MDGA2: variants seen among roughly 807,000 people sequenced by gnomAD.
MDGA2 encodes the protein MAM domain-containing glycosylphosphatidylinositol anchor protein 2.
Under a neutral mutation model 117.8 loss-of-function variants are expected in MDGA2, and 40 were observed. That is an observed-to-expected ratio of 0.34 (90% CI 0.26 to 0.44). The LOEUF is 0.44. MDGA2 is among the 20% of genes least tolerant of loss of function. The pLI, the probability that MDGA2 is intolerant of heterozygous loss-of-function variation, is 1.00. For synonymous variants in MDGA2, 452 were observed against 439.0 expected (o/e 1.03, Z -0.37); for missense variants, 1,123 against 1,250.6 (o/e 0.90, Z 1.54).
Position 47,131,844 on chromosome 14 carries a change from A to C in MDGA2, c.795T>G (p.Gly265=), listed in dbSNP as rs1325632201. 1 of 1,566,870 alleles carries C rather than the reference A, an allele frequency of 6.4e-7. No individual in the cohort carries two copies. The highest frequency in any genetic ancestry group is 2.3e-5 in the East Asian group (1 of 44,142). The part of the protein sequence containing the change: ...VEIYEPFFTQ[G]ETKILKLKNL... ...TCTTTAGTTTTAAGATCTTTGTTTCACCCTGAAAATGTACACAAAAAATAA... is the reference window on the plus strand; with the variant it reads ...TCTTTAGTTTTAAGATCTTTGTTTCCCCCTGAAAATGTACACAAAAAATAA... The change falls in exon 5 of 17, where the codon GGT becomes GGG. Residue 265 remains glycine (G), a splice_region_variant and synonymous_variant. Coordinates refer to ENST00000399232, the MANE Select transcript of MDGA2 (RefSeq NM_001113498.3).
chr14:47,206,625 C>A (rs1043030812), intron 3 of MDGA2, among the ~76,000 whole-genome samples: 1 of 151,904 alleles, frequency 6.6e-6, no homozygotes, highest in Non-Finnish European at 1.5e-5. Context: ...TGCGGTGGCT[C>A]ACACCTGTAA....
Position 46,842,088 on chromosome 14 carries a change from C to G in MDGA2, c.2990-69G>C, listed in dbSNP as rs1488217951. 108 of 943,140 alleles carry G rather than the reference C, an allele frequency of 1.1e-4. 1 individual carries two copies. In the South Asian group the frequency reaches 1.6e-3, roughly 14 times the overall value. The allele number at this position is 943,140 out of a possible 1,614,324, so 58.4% of individuals were successfully genotyped here. On this transcript the variant is annotated intron_variant, in intron 16 of 16. Coordinates refer to ENST00000399232, the MANE Select transcript of MDGA2 (RefSeq NM_001113498.3). ...TAAGCATTCCACGTAGCTACTAACA[C>G]AACCTTGGTGAATAATAAAACAAGT...
intron 3 of MDGA2, among the ~76,000 whole-genome samples, chr14:47,165,675 A>G (rs1269491856): frequency 6.6e-6 from 1 of 152,198 alleles, no homozygotes; most frequent in Non-Finnish European, 1.5e-5. Flanking sequence ...AAGGGTCTCC[A>G]ATGCTGGTAT....
At chr14:47,083,560 T>C (rs1438429189) in intron 6 of MDGA2, among the ~76,000 whole-genome samples, 1 of 151,874 alleles carries the variant, frequency 6.6e-6, no homozygotes, top group Non-Finnish European at 1.5e-5. Flanking sequence ...AAACAGAAGG[T>C]AAGTTGCAGA....
At chr14:47,655,521 G>T (rs1283820118) in intron 1 of MDGA2, among the ~76,000 whole-genome samples, 1 of 152,044 alleles carries the variant, frequency 6.6e-6, no homozygotes, top group Non-Finnish European at 1.5e-5. Flanking sequence ...CGGAAGTCTG[G>T]GTAAGACATG....
At chr14:47,462,690 T>C (rs376665525) in intron 1 of MDGA2, among the ~76,000 whole-genome samples, 5 of 152,134 alleles carry the variant, frequency 3.3e-5, no homozygotes, top group African/African-American at 9.7e-5. Flanking sequence ...TTACTATCAA[T>C]GTAGAAGTTT....
chr14:47,589,941 C>G (rs1257456741), intron 1 of MDGA2, among the ~76,000 whole-genome samples: 1 of 151,686 alleles, frequency 6.6e-6, no homozygotes, highest in Non-Finnish European at 1.5e-5. Context: ...AATGCAATTG[C>G]TTTCTTAATA....
intron 1 of MDGA2, among the ~76,000 whole-genome samples, chr14:47,499,567 T>C (rs1417779910): frequency 6.6e-6 from 1 of 152,158 alleles, no homozygotes; most frequent in Non-Finnish European, 1.5e-5. Context: ...TGTGCATTGC[T>C]AGAATCTGAA....
chr14:46,902,416 G>T (rs1333892695), intron 10 of MDGA2, among the ~76,000 whole-genome samples: 2 of 151,982 alleles, frequency 1.3e-5, no homozygotes, highest in African/African-American at 2.4e-5. Context: ...ATTATATACA[G>T]TAGGTACTTT....
chr14:46,862,046 C>A (rs1406985210), intron 14 of MDGA2, among the ~76,000 whole-genome samples: 1 of 151,908 alleles, frequency 6.6e-6, no homozygotes, highest in East Asian at 1.9e-4. Flanking sequence ...TTTAAATCCC[C>A]AGAGACACTG....
intron 6 of MDGA2, among the ~76,000 whole-genome samples, chr14:47,095,602 T>C: frequency 6.6e-6 from 1 of 151,936 alleles, no homozygotes; most frequent in Non-Finnish European, 1.5e-5. Flanking sequence ...TATTTTGTTT[T>C]GATATATAAA....
intron 2 of MDGA2, among the ~76,000 whole-genome samples, chr14:47,285,745 C>CCT (rs1349461243): frequency 6.6e-6 from 1 of 152,036 alleles, no homozygotes; most frequent in Admixed American, 6.6e-5. Context: ...TCCAACAGTA[C>CCT]CTCACGGACA....
chr14:47,470,294 T>C (rs1215286805), intron 1 of MDGA2, among the ~76,000 whole-genome samples: 2 of 129,432 alleles, frequency 1.5e-5, no homozygotes, highest in African/African-American at 5.9e-5. Flanking sequence ...GGCCCCACTG[T>C]GTGATGTTCC....
At position 47,142,036 on chromosome 14, in the gene MDGA2, G is replaced by A. The variant is rs568294912; in HGVS notation, c.792+2042C>T. The stretch of plus-strand genomic sequence containing the variant: ...ATTTTTTAAAAGTTTGATTGTGCTT[G>A]TTTAATAAATTTAAAATAAATTCCT... On this transcript the variant is annotated intron_variant, in intron 4 of 16. Transcript: ENST00000399232. Among the ~76,000 whole-genome samples, 31 of 152,250 alleles carry A rather than the reference G, an allele frequency of 2.0e-4. No individual in the cohort carries two copies. The East Asian group carries it at 5.8e-3, about 28-fold the overall frequency.
At chr14:46,866,743 A>G (rs1881781121) in intron 14 of MDGA2, among the ~76,000 whole-genome samples, 1 of 152,068 alleles carries the variant, frequency 6.6e-6, no homozygotes, top group African/African-American at 2.4e-5. Context: ...ACATGAACAG[A>G]CACTTCTCAA....
intron 9 of MDGA2, among the ~76,000 whole-genome samples, chr14:46,938,953 C>T (rs1317020147): frequency 6.6e-6 from 1 of 152,174 alleles, no homozygotes; most frequent in Non-Finnish European, 1.5e-5. Context: ...GAAATTCTGT[C>T]ATTTGCAACA....
At chr14:47,502,264 A>C (rs1277959648) in intron 1 of MDGA2, among the ~76,000 whole-genome samples, 2 of 152,146 alleles carry the variant, frequency 1.3e-5, no homozygotes, top group Non-Finnish European at 2.9e-5. Context: ...TTAAGCCAGG[A>C]GTTTGAGTTA....
At chr14:47,016,828 C>T (rs1487101802) in intron 8 of MDGA2, among the ~76,000 whole-genome samples, 1 of 151,962 alleles carries the variant, frequency 6.6e-6, no homozygotes, top group Non-Finnish European at 1.5e-5. Flanking sequence ...TAATCCACCT[C>T]GTATAGATCC....
intron 1 of MDGA2, among the ~76,000 whole-genome samples, chr14:47,624,530 A>G (rs1897106766): frequency 6.6e-6 from 1 of 152,190 alleles, no homozygotes; most frequent in Non-Finnish European, 1.5e-5. Flanking sequence ...GAAAACAACT[A>G]TACATTTTAT....
Sources: gnomAD v4.1 joint callset for allele counts (sites outside exome capture counted in the v4.1 genomes callset) on GRCh38, gnomAD v4.1.1 for gene constraint, MANE v1.5 for transcripts, NCBI Gene and HGNC (gene_info 2026-07-23, HGNC 2026-07-21) for gene names.